The following EIF4E1B variants were observed in gnomAD, a reference collection of about 807,000 sequenced individuals.
EIF4E1B encodes the protein eukaryotic translation initiation factor 4E type 1B.
EIF4E1B carries 22 observed loss-of-function variants against 31.3 expected under a neutral mutation model. That is an observed-to-expected ratio of 0.70 (90% CI 0.50 to 1.00). EIF4E1B has a LOEUF of 1.00. EIF4E1B is among the 50% of genes least tolerant of loss of function. EIF4E1B has a pLI of 0.00. For synonymous variants in EIF4E1B, 126 were observed against 120.2 expected (o/e 1.05, Z -0.31); for missense variants, 290 against 311.6 (o/e 0.93, Z 0.52).
chr5:176,642,865 C>CCTCCCCGCCCG (rs56115420), intron 3 of EIF4E1B, 63 bp downstream of exon 3: 4 of 1,173,010 alleles, frequency 3.4e-6, no homozygotes, highest in Non-Finnish European at 4.4e-6. Flanking sequence ...CCCCCCCCCC[C>CCTCCCCGCCCG]GCCCCAGGTG....
At chr5:176,633,928 C>CAG (rs1760452247) in intron 1 of EIF4E1B, among the ~76,000 whole-genome samples, 1 of 152,132 alleles carries the variant, frequency 6.6e-6, no homozygotes, top group African/African-American at 2.4e-5. Flanking sequence ...GAGGCTGGGG[C>CAG]AGACTCCAGA....
intron 1 of EIF4E1B, among the ~76,000 whole-genome samples, chr5:176,641,155 C>A (rs1298941145): frequency 1.3e-5 from 2 of 152,002 alleles, no homozygotes; most frequent in Non-Finnish European, 2.9e-5. Flanking sequence ...CCTACCTCTA[C>A]AAAATAAAAC....
chr5:176,641,046 G>A (rs1422187283), intron 1 of EIF4E1B, among the ~76,000 whole-genome samples: 2 of 152,160 alleles, frequency 1.3e-5, no homozygotes, highest in Non-Finnish European at 2.9e-5. Flanking sequence ...TGGGCCTGGC[G>A]CTTTGGGTCA....
chr5:176,643,112 T>C lies in EIF4E1B; in HGVS notation c.46T>C (p.Trp16Arg), dbSNP rs1272748512. ...TGAAGCTGAGGGTGGAATCCGAGAGTGGGAGGAGGAGGAGAAGGAGGAGGA... is the reference window on the plus strand; with the variant it reads ...TGAAGCTGAGGGTGGAATCCGAGAGCGGGAGGAGGAGGAGAAGGAGGAGGA... ...VSEAEGGIRE[W>R]EEEEKEEEAA... is the part of the protein sequence containing the mutation. The change falls in exon 4 of 9, where the codon TGG becomes CGG. Residue 16 changes from tryptophan to arginine, a missense_variant. Transcript: ENST00000318682. 1.2e-6 allele frequency: 2 copies of C among 1,611,784 alleles called. No homozygotes were observed. Among genetic ancestry groups the C allele is most frequent in the East Asian group, 2.2e-5 (1 of 44,816 alleles).
intron 2 of EIF4E1B, 98 bp from the exon 3 acceptor site, chr5:176,642,612 G>A (rs373982575): frequency 1.1e-5 from 11 of 1,026,976 alleles, no homozygotes; most frequent in Admixed American, 2.9e-5. Flanking sequence ...TTCTGCCATC[G>A]GCAGGGCCGT....
At chr5:176,637,036 A>T (rs1760504972) in intron 1 of EIF4E1B, among the ~76,000 whole-genome samples, 1 of 152,210 alleles carries the variant, frequency 6.6e-6, no homozygotes, top group African/African-American at 2.4e-5. Flanking sequence ...CGTCAGCGAC[A>T]CTCACTTTGC....
chr5:176,633,735 G>A (rs994792779), intron 1 of EIF4E1B, among the ~76,000 whole-genome samples: 2 of 152,200 alleles, frequency 1.3e-5, no homozygotes, highest in African/African-American at 4.8e-5. Context: ...GGAGGATGGA[G>A]GAGCGGGGAG....
intron 4 of EIF4E1B, 59 bp from the exon 5 acceptor site, chr5:176,643,580 C>G: frequency 6.6e-7 from 1 of 1,513,102 alleles, no homozygotes. Context: ...AGTCCAGGTG[C>G]CCCGGGGGTG....
chr5:176,630,984 G>C lies in EIF4E1B; in HGVS notation c.-282G>C, dbSNP rs923633121. On this transcript the variant is annotated 5_prime_UTR_variant, in exon 1 of 9. Coordinates refer to ENST00000318682, the MANE Select transcript of EIF4E1B (RefSeq NM_001099408.2). Reference sequence around the variant, plus strand: ...TTACCATGGGGGTGTCTGTACGCGTGTGTGTTCGTGCGCTCAGTGGTGGAA... The same window carrying C: ...TTACCATGGGGGTGTCTGTACGCGTCTGTGTTCGTGCGCTCAGTGGTGGAA... 13 of 152,538 alleles carry C rather than the reference G, an allele frequency of 8.5e-5. No individual in the cohort carries two copies. The highest frequency in any genetic ancestry group is 2.9e-4 in the African/African-American group (12 of 41,440). 9.4% of individuals were successfully genotyped at this position (152,538 alleles called of 1,614,324 possible).
intron 4 of EIF4E1B, 109 bp downstream of exon 4, chr5:176,643,375 C>A (rs191363969): frequency 3.0e-6 from 4 of 1,350,652 alleles, no homozygotes; most frequent in Admixed American, 2.4e-5. Context: ...GCTCTTCATC[C>A]GTGGGAGGCC....
intron 1 of EIF4E1B, among the ~76,000 whole-genome samples, chr5:176,631,267 A>T (rs1029048612): frequency 1.3e-5 from 2 of 152,236 alleles, no homozygotes; most frequent in African/African-American, 4.8e-5. Context: ...GACAAAAGAC[A>T]GCGCAGCTGG....
chr5:176,640,791 G>C (rs549133345), intron 1 of EIF4E1B, among the ~76,000 whole-genome samples: 23 of 152,190 alleles, frequency 1.5e-4, no homozygotes, highest in African/African-American at 4.6e-4. Flanking sequence ...TTTTAGCTTC[G>C]CCCACACTGG....
At chr5:176,631,299 G>A (rs1338133077) in intron 1 of EIF4E1B, among the ~76,000 whole-genome samples, 3 of 152,190 alleles carry the variant, frequency 2.0e-5, no homozygotes, top group Non-Finnish European at 4.4e-5. Context: ...GGAGGGAGGT[G>A]GAGAACAAAA....
At position 176,642,763 on chromosome 5, in the gene EIF4E1B, C is replaced by T. The variant is rs1052673753; in HGVS notation, c.-25C>T. On this transcript the variant is annotated 5_prime_UTR_variant, in exon 3 of 9. Coordinates refer to ENST00000318682, the MANE Select transcript of EIF4E1B (RefSeq NM_001099408.2). ...TCACAGCTGCTTCCCCAGCCCCAGG[C>T]CTGCACGAAGAAGGCACTCACTAAA... 3 of 1,560,348 alleles carry T rather than the reference C, an allele frequency of 1.9e-6. No individual in the cohort carries two copies. Among genetic ancestry groups the T allele is most frequent in the Non-Finnish European group, 2.6e-6 (3 of 1,152,612 alleles).
chr5:176,644,629 C>A (rs117533177), intron 6 of EIF4E1B, 190 bp downstream of exon 6: 1 of 591,650 alleles, frequency 1.7e-6, no homozygotes, highest in Non-Finnish European at 2.9e-6. Flanking sequence ...CCAAGCCGCA[C>A]CTTGGAGGAC....
intron 6 of EIF4E1B, among the ~76,000 whole-genome samples, chr5:176,644,846 T>C (rs1281779223): frequency 3.3e-5 from 5 of 152,160 alleles, no homozygotes. Context: ...TGCATTGGGG[T>C]CTGCCCCTGA....
chr5:176,645,442 C>T lies in EIF4E1B; in HGVS notation c.540C>T (p.Asn180=). ...GAGAGGTATGTGGGGCCGTCGTCAACATCCGCACCAAGGGGGACAAGATCG... is the reference window on the plus strand; with the variant it reads ...GAGAGGTATGTGGGGCCGTCGTCAATATCCGCACCAAGGGGGACAAGATCG... The part of the protein sequence containing the change: ...HSREVCGAVV[N]IRTKGDKIAV... Residue 180 remains asparagine, a synonymous_variant, in exon 8 of 9, where the codon AAC becomes AAT. Coordinates refer to ENST00000318682, the MANE Select transcript of EIF4E1B (RefSeq NM_001099408.2). This position sits in a 1 kb window ranked among gnomAD's most constrained non-coding sequence, Gnocchi z 5.4. 6.6e-7 allele frequency: 1 copy of T among 1,516,318 alleles called. No homozygotes were observed. Among genetic ancestry groups the T allele is most frequent in the East Asian group, 2.3e-5 (1 of 43,620 alleles). The allele number at this position is 1,516,318 out of a possible 1,614,324, so 93.9% of individuals were successfully genotyped here.
intron 6 of EIF4E1B, 34 bp downstream of exon 6, chr5:176,644,473 G>A (rs1039034391): frequency 2.5e-6 from 4 of 1,575,092 alleles, no homozygotes; most frequent in East Asian, 2.3e-5. Flanking sequence ...CTCCCGCAAA[G>A]GGACAAGGGG....
rs1405183279 is a variant in EIF4E1B at position 176,645,916 on chromosome 5, A to T, written c.665A>T (p.Tyr222Phe). 1 of 1,610,060 alleles carries T rather than the reference A, an allele frequency of 6.2e-7. No homozygotes were observed. ...CTCTCCCCAAAGACCATCATTGGGTACCAGGCCCATGCAGACACAGCCACC... is the reference window on the plus strand; with the variant it reads ...CTCTCCCCAAAGACCATCATTGGGTTCCAGGCCCATGCAGACACAGCCACC... Reference protein sequence around the residue: ...LGLSPKTIIGYQAHADTATKS... With the variant: ...LGLSPKTIIGFQAHADTATKS... Residue 222 changes from tyrosine (Y) to phenylalanine (F), a missense_variant, in exon 9 of 9, where the codon TAC becomes TTC. Transcript: ENST00000318682. The surrounding 1 kb of genome is among the most constrained non-coding windows in gnomAD (Gnocchi z 5.4).
Sources: allele counts gnomAD v4.1 joint callset (sites outside exome capture counted in the v4.1 genomes callset), GRCh38; gene constraint gnomAD v4.1.1; non-coding constraint Gnocchi (gnomAD v3.1); transcripts MANE v1.5; gene names NCBI Gene and HGNC (gene_info 2026-07-23, HGNC 2026-07-21).